UBXN7: variants seen among roughly 807,000 people sequenced by gnomAD.
UBXN7 encodes the protein UBX domain protein 7, also known as UBX domain-containing protein 7.
In UBXN7, 9 loss-of-function variants were observed where a neutral mutation model predicts 58.0. The observed-to-expected ratio is 0.16, with a 90% CI of 0.09 to 0.27. UBXN7 has a LOEUF of 0.27. Ranked by LOEUF, UBXN7 falls within the 10% of genes least tolerant of loss-of-function variation. UBXN7 has a pLI of 1.00. For missense variants in UBXN7, 328 were observed against 599.6 expected, an observed-to-expected ratio of 0.55 and a Z score of 4.73; for synonymous variants, 208 against 205.0, an observed-to-expected ratio of 1.01 and a Z score of -0.12.
rs112247030 is a variant in UBXN7, at chr3:196,380,114, G to C, written c.469-8072C>G. Among the ~76,000 whole-genome samples, 904 of 152,236 alleles carry C rather than the reference G, an allele frequency of 5.9e-3. 5 individuals carry two copies. Among genetic ancestry groups the C allele is most frequent in the African/African-American group, 0.021 (852 of 41,550 alleles). On this transcript the variant is annotated intron_variant, in intron 5 of 10. Transcript: ENST00000296328. ...AAATACAAAAAATCAGCTGAGCGTG[G>C]TGGCGGGCGCCTGTGGTCCCAGCTA...
Position 196,354,286 on chromosome 3 carries a change from G to A in UBXN7, c.*2399C>T, listed in dbSNP as rs1728287639. On this transcript the variant is annotated 3_prime_UTR_variant, in exon 11 of 11. Transcript: ENST00000296328. ...TCATCCCACAGTAACCCGAGTTGAA[G>A]AAGTTACTTTGGTTTCTCATAAATG... 1 of 152,184 alleles carries A rather than the reference G, an allele frequency of 6.6e-6. No individual in the cohort carries two copies. Among genetic ancestry groups the A allele is most frequent in the Non-Finnish European group, 1.5e-5 (1 of 68,040 alleles). 9.4% of individuals were successfully genotyped at this position (152,184 alleles called of 1,614,324 possible).
chr3:196,429,053 C>T (rs886747084), intron 1 of UBXN7, among the ~76,000 whole-genome samples: 5 of 150,720 alleles, frequency 3.3e-5, no homozygotes, highest in South Asian at 2.1e-4. Flanking sequence ...TTAGGCCAGG[C>T]GCGGTGGCTC....
At chr3:196,377,179 A>C (rs1729055906) in intron 5 of UBXN7, among the ~76,000 whole-genome samples, 1 of 152,242 alleles carries the variant, frequency 6.6e-6, no homozygotes, top group Non-Finnish European at 1.5e-5. Context: ...CACAACAGTC[A>C]AGAAAATGAA....
chr3:196,391,293 T>C (rs1729574650), intron 5 of UBXN7, among the ~76,000 whole-genome samples: 1 of 152,200 alleles, frequency 6.6e-6, no homozygotes, highest in Non-Finnish European at 1.5e-5. Flanking sequence ...ATCAATCTCA[T>C]ATACTGCTGG....
In UBXN7 at chr3:196,362,427, C is replaced by T. The variant is rs920456755; in HGVS notation, c.1095G>A (p.Pro365=). 14 of 1,614,044 alleles carry T rather than the reference C, an allele frequency of 8.7e-6. No individual in the cohort carries two copies. Among genetic ancestry groups the T allele is most frequent in the East Asian group, 2.2e-5 (1 of 44,894 alleles). Residue 365 remains proline (P), a synonymous_variant, in exon 9 of 11, where the codon CCG becomes CCA. Transcript: ENST00000296328. ...LGHRKEENRR[P]LTEPPVRTDP... ...CAGTTCTGACTGGTGGCTCAGTCAG[C>T]GGCCTTCTATTCTCCTCTTTTCTAT...
chr3:196,392,175 A>G (rs1252107699), intron 4 of UBXN7, among the ~76,000 whole-genome samples: 1 of 152,126 alleles, frequency 6.6e-6, no homozygotes, highest in African/African-American at 2.4e-5. Context: ...CACTTAATCA[A>G]AGTAACCTCT....
rs920484722 is a variant in UBXN7 at position 196,350,383 on chromosome 3, G to T, written c.*6302C>A. 1 of 152,156 alleles carries T rather than the reference G, an allele frequency of 6.6e-6. No homozygotes were observed. The highest frequency in any genetic ancestry group is 1.5e-5 in the Non-Finnish European group (1 of 68,032). The allele number at this position is 152,156 out of a possible 1,614,324, so 9.4% of individuals were successfully genotyped here. On this transcript the variant is annotated 3_prime_UTR_variant, in exon 11 of 11. Coordinates refer to ENST00000296328, the MANE Select transcript of UBXN7 (RefSeq NM_015562.2). ...CCAGAGAATTCTCCTTAACTAGGGA[G>T]AAAATGAGCTATAAAAGTAAGTTTG...
At chr3:196,384,782 G>A (rs1267875080) in intron 5 of UBXN7, among the ~76,000 whole-genome samples, 1 of 152,022 alleles carries the variant, frequency 6.6e-6, no homozygotes, top group South Asian at 2.1e-4. Flanking sequence ...AATAAACTAG[G>A]TATTGATGGA....
chr3:196,378,345 C>T (rs569854956), intron 5 of UBXN7, among the ~76,000 whole-genome samples: 2 of 152,284 alleles, frequency 1.3e-5, no homozygotes, highest in East Asian at 3.9e-4. Context: ...GGAATGTAGA[C>T]AGAAGTGCTG....
At chr3:196,368,821 T>G (rs1327492851) in intron 7 of UBXN7, among the ~76,000 whole-genome samples, 1 of 152,152 alleles carries the variant, frequency 6.6e-6, no homozygotes, top group Non-Finnish European at 1.5e-5. Flanking sequence ...AAAAAAACTT[T>G]TGTCTTGTTT....
chr3:196,392,893 T>C (rs1026181069), intron 4 of UBXN7, among the ~76,000 whole-genome samples: 4 of 152,194 alleles, frequency 2.6e-5, no homozygotes, highest in Non-Finnish European at 4.4e-5. Context: ...CAGGATTCCC[T>C]AGATGACTTG....
chr3:196,362,457 C>T lies in UBXN7; in HGVS notation c.1065G>A (p.Leu355=). Residue 355 remains leucine (L), a synonymous_variant, in exon 9 of 11, where the codon TTG becomes TTA. Transcript: ENST00000296328. ...AKSRKSPHKD[L]GHRKEENRRP... ...TTCTATTCTCCTCTTTTCTATGCCCCAAATCTTTGTGGGGAGACTTTCTGG... is the reference window on the plus strand; with the variant it reads ...TTCTATTCTCCTCTTTTCTATGCCCTAAATCTTTGTGGGGAGACTTTCTGG... The T allele has an allele frequency of 6.2e-7, 1 of 1,614,096 alleles. No homozygotes were observed. The highest frequency in any genetic ancestry group is 8.5e-7 in the Non-Finnish European group (1 of 1,180,022).
chr3:196,362,858 T>C (rs1294814148), intron 8 of UBXN7, among the ~76,000 whole-genome samples, 171 bp from the exon 9 acceptor site: 1 of 152,070 alleles, frequency 6.6e-6, no homozygotes, highest in Admixed American at 6.5e-5. Flanking sequence ...GGAATGGAGA[T>C]ATATATATGT....
At chr3:196,362,268 G>A (rs1401842431) in intron 9 of UBXN7, 26 bp downstream of exon 9, 5 of 1,556,958 alleles carry the variant, frequency 3.2e-6, no homozygotes, top group Non-Finnish European at 4.3e-6. Context: ...TAAGTTTGAA[G>A]TAAAGTATGT....
At chr3:196,423,535 T>C in intron 1 of UBXN7, 1 of 174,508 alleles carries the variant, frequency 5.7e-6, no homozygotes, top group Non-Finnish European at 1.2e-5. Flanking sequence ...CACTGTATCC[T>C]TGGGAAACTG....
At chr3:196,417,129 C>A (rs569833131) in intron 1 of UBXN7, among the ~76,000 whole-genome samples, 1 of 152,024 alleles carries the variant, frequency 6.6e-6, no homozygotes, top group Non-Finnish European at 1.5e-5. Flanking sequence ...CTGGCTAACA[C>A]GGTGAAACCC....
rs138843433 is a variant in UBXN7 at position 196,383,091 on chromosome 3, G to A, written c.468+8722C>T. On this transcript the variant is annotated intron_variant, in intron 5 of 10. Coordinates refer to ENST00000296328, the MANE Select transcript of UBXN7 (RefSeq NM_015562.2). ...AGATCGCACCACTGCACTCCAGCCT[G>A]GGCCACAAAGCAAGACTCCATCTCC... 4.1e-3 allele frequency among the ~76,000 whole-genome samples: 619 copies of A among 150,972 alleles called. 5 individuals carry two copies. The highest frequency in any genetic ancestry group is 0.014 in the African/African-American group (574 of 41,078).
At chr3:196,430,388 G>A (rs1004905386) in intron 1 of UBXN7, among the ~76,000 whole-genome samples, 1 of 151,380 alleles carries the variant, frequency 6.6e-6, no homozygotes, top group African/African-American at 2.4e-5. Flanking sequence ...ATAATAATAA[G>A]TGGCTTTTTT....
chr3:196,362,246 G>A (rs548094929), intron 9 of UBXN7, 48 bp downstream of exon 9: 33 of 1,538,664 alleles, frequency 2.1e-5, no homozygotes, highest in East Asian at 1.6e-4. Flanking sequence ...CACCACGCCC[G>A]GCCCCAATAT....
Sources: gnomAD v4.1 joint callset for allele counts (sites outside exome capture counted in the v4.1 genomes callset) on GRCh38, gnomAD v4.1.1 for gene constraint, MANE v1.5 for transcripts, NCBI Gene and HGNC (gene_info 2026-07-23, HGNC 2026-07-21) for gene names.